SNX29: variants seen among roughly 807,000 people sequenced by gnomAD.
SNX29 encodes the protein sorting nexin-29.
SNX29 carries 78 observed loss-of-function variants against 102.1 expected under a neutral mutation model. The observed-to-expected ratio is 0.76, with a 90% CI of 0.64 to 0.92. The LOEUF (loss-of-function observed/expected upper bound fraction) is 0.92. Ranked by LOEUF, SNX29 falls within the 40% of genes least tolerant of loss-of-function variation. The probability of loss-of-function intolerance (pLI) is 0.00; values close to 1 mark genes in which losing one functional copy is unlikely to be tolerated. For missense variants in SNX29, 1,280 were observed against 1,061.7 expected (o/e 1.21, Z -2.86); for synonymous variants, 580 against 414.5 (o/e 1.40, Z -4.85).
chr16:12,440,526 A>G (rs1567565359), intron 18 of SNX29, among the ~76,000 whole-genome samples: 1 of 152,080 alleles, frequency 6.6e-6, no homozygotes, highest in Non-Finnish European at 1.5e-5. Flanking sequence ...AGCTGTACAC[A>G]TTATTTCTTC....
intron 14 of SNX29, among the ~76,000 whole-genome samples, chr16:12,213,484 AAAAAAT>A (rs869299782): frequency 8.2e-6 from 1 of 121,526 alleles, no homozygotes; most frequent in Non-Finnish European, 2.1e-5. Flanking sequence ...AAATAAAGGA[AAAAAAT>A]AAAATTAAAA....
At chr16:12,537,047 C>A (rs756335219) in intron 20 of SNX29, among the ~76,000 whole-genome samples, 1 of 152,208 alleles carries the variant, frequency 6.6e-6, no homozygotes, top group African/African-American at 2.4e-5. Context: ...AGCACATTCA[C>A]TGAGCATATT....
chr16:12,282,008 C>T (rs1052372905), intron 15 of SNX29, among the ~76,000 whole-genome samples: 8 of 143,454 alleles, frequency 5.6e-5, no homozygotes, highest in African/African-American at 1.6e-4. Context: ...CACTTGAACC[C>T]GAGAAGAGGA....
Position 12,013,676 on chromosome 16 carries a change from G to A in SNX29, c.122+10633G>A, listed in dbSNP as rs184403325. 1.9e-3 allele frequency among the ~76,000 whole-genome samples: 282 copies of A among 150,294 alleles called. 2 individuals carry two copies. The highest frequency in any genetic ancestry group is 6.4e-3 in the African/African-American group (263 of 41,014). ...GTATTTAATTTTGTGATGGAGTCCC[G>A]CTGTGTTGCCCAGCCTGGAGTGCAG... is the stretch of plus-strand genomic sequence containing the variant. On this transcript the variant is annotated intron_variant, in intron 3 of 20. Transcript: ENST00000566228.
At chr16:12,539,658 T>A (rs575698153) in intron 20 of SNX29, among the ~76,000 whole-genome samples, 1 of 152,158 alleles carries the variant, frequency 6.6e-6, no homozygotes, top group African/African-American at 2.4e-5. Context: ...TCCCACAGCG[T>A]ATGAGGGGCC....
Position 12,570,893 on chromosome 16 carries a change from C to CA in SNX29, c.*2270dup, listed in dbSNP as rs1319181966. On this transcript the variant is annotated 3_prime_UTR_variant, in exon 21 of 21. Transcript: ENST00000566228. ...TACTTTTATAATACTGAATTATTCA[C>CA]AAAAAACCTGGTCTGCTCTCCAAAA... 6 of 230,114 alleles carry CA rather than the reference C, an allele frequency of 2.6e-5. No homozygotes were observed. The highest frequency in any genetic ancestry group is 2.3e-4 in the Admixed American group (4 of 17,586). 14.3% of individuals were successfully genotyped at this position (230,114 alleles called of 1,614,324 possible). A position where few individuals can be genotyped will look rare whatever the true frequency, so the allele number is the denominator to read the frequency against.
chr16:12,238,946 A>C (rs1310540899), intron 14 of SNX29, among the ~76,000 whole-genome samples: 1 of 152,176 alleles, frequency 6.6e-6, no homozygotes, highest in Non-Finnish European at 1.5e-5. Flanking sequence ...TCTGTGTTGT[A>C]GGTAGCAAAC....
intron 19 of SNX29, among the ~76,000 whole-genome samples, chr16:12,482,798 T>G (rs1214740372): frequency 1.3e-5 from 2 of 152,250 alleles, no homozygotes; most frequent in African/African-American, 4.8e-5. Context: ...GGTGATTGTC[T>G]GACAGTTTTA....
intron 19 of SNX29, among the ~76,000 whole-genome samples, chr16:12,497,606 T>G (rs1218974381): frequency 1.3e-5 from 2 of 152,228 alleles, no homozygotes; most frequent in African/African-American, 4.8e-5. Flanking sequence ...TTGACCAGTC[T>G]CCTTCTCTTG....
intron 14 of SNX29, among the ~76,000 whole-genome samples, chr16:12,264,197 T>C (rs746979479): frequency 1.3e-5 from 2 of 152,230 alleles, no homozygotes; most frequent in African/African-American, 4.8e-5. Flanking sequence ...CCTTTTGCAG[T>C]GTTGTGTCCT....
chr16:12,558,216 CAG>C (rs1281740850), intron 20 of SNX29, among the ~76,000 whole-genome samples: 1 of 81,096 alleles, frequency 1.2e-5, no homozygotes, highest in South Asian at 4.3e-4. Flanking sequence ...AGAACCATCA[CAG>C]AGCCTCTCTT....
chr16:12,076,242 C>T (rs1477649738), intron 10 of SNX29, among the ~76,000 whole-genome samples: 4 of 152,078 alleles, frequency 2.6e-5, no homozygotes, highest in East Asian at 3.9e-4. Context: ...CCATCTTCTG[C>T]GTCACTCACG....
At chr16:12,118,184 C>G (rs2053815193) in intron 11 of SNX29, among the ~76,000 whole-genome samples, 1 of 152,146 alleles carries the variant, frequency 6.6e-6, no homozygotes, top group South Asian at 2.1e-4. Context: ...TCGCTTAGTT[C>G]CATTGCTTCT....
rs184376386 is a variant in SNX29, at chr16:12,435,298, C to A, written c.2037+31769C>A. ...TGAGAATAAAGGCATTTTGCAGGGA[C>A]ACACTTCTGCCTTACAACTGTTTCT... On this transcript the variant is annotated intron_variant, in intron 18 of 20. Transcript: ENST00000566228. Among the ~76,000 whole-genome samples the A allele has an allele frequency of 2.1e-4, 32 of 152,320 alleles. No individual in the cohort carries two copies. In the East Asian group the frequency reaches 3.3e-3, roughly 16 times the overall value.
chr16:12,439,890 G>T (rs757367467), intron 18 of SNX29, among the ~76,000 whole-genome samples: 1 of 152,244 alleles, frequency 6.6e-6, no homozygotes, highest in Non-Finnish European at 1.5e-5. Flanking sequence ...CAGATGCCAA[G>T]TGGTATTTTC....
intron 19 of SNX29, among the ~76,000 whole-genome samples, chr16:12,523,588 G>T (rs531970817): frequency 4.6e-5 from 7 of 152,320 alleles, no homozygotes; most frequent in African/African-American, 1.2e-4. Flanking sequence ...TGGAGCCCCT[G>T]GTTCCAAATT....
At chr16:12,553,637 C>G (rs1460665527) in intron 20 of SNX29, among the ~76,000 whole-genome samples, 2 of 138,362 alleles carry the variant, frequency 1.4e-5, no homozygotes, top group African/African-American at 5.3e-5. Flanking sequence ...GTTGCCCAGG[C>G]TGGAGTGCAA....
intron 13 of SNX29, among the ~76,000 whole-genome samples, chr16:12,144,621 G>A (rs2054989034): frequency 6.6e-6 from 1 of 152,218 alleles, no homozygotes; most frequent in East Asian, 1.9e-4. Context: ...GGACTTCCCA[G>A]CTTCCAGAAC....
intron 19 of SNX29, among the ~76,000 whole-genome samples, chr16:12,495,767 C>T (rs988792028): frequency 6.6e-6 from 1 of 152,102 alleles, no homozygotes; most frequent in Non-Finnish European, 1.5e-5. Context: ...AGAATGTCTG[C>T]AGCTGGTTGG....
Sources: allele counts gnomAD v4.1 joint callset (sites outside exome capture counted in the v4.1 genomes callset), GRCh38; gene constraint gnomAD v4.1.1; transcripts MANE v1.5; gene names NCBI Gene and HGNC (gene_info 2026-07-23, HGNC 2026-07-21).